Variants in LRRC75A observed in about 807,000 individuals in gnomAD.
LRRC75A encodes leucine rich repeat containing 75A.
Under a neutral mutation model 26.0 loss-of-function variants are expected in LRRC75A, and 12 were observed. The observed-to-expected ratio is 0.46, with a 90% CI of 0.30 to 0.75. The LOEUF (loss-of-function observed/expected upper bound fraction) is 0.75. Among genes scored for constraint, LRRC75A ranks in the 30% least tolerant of loss-of-function variants. The pLI, the probability that LRRC75A is intolerant of heterozygous loss-of-function variation, is 0.08. For synonymous variants in LRRC75A, 223 were observed against 219.3 expected, an observed-to-expected ratio of 1.02 and a Z score of -0.15; for missense variants, 410 against 486.6, an observed-to-expected ratio of 0.84 and a Z score of 1.48.
At chr17:16,458,092 G>A (rs2093698964) in intron 2 of LRRC75A, among the ~76,000 whole-genome samples, 1 of 152,164 alleles carries the variant, frequency 6.6e-6, no homozygotes, top group South Asian at 2.1e-4. Context: ...ATCACCTGAG[G>A]TCAGGAGTTT....
At chr17:16,447,579 T>C (rs930457996) in intron 3 of LRRC75A, among the ~76,000 whole-genome samples, 5 of 152,196 alleles carry the variant, frequency 3.3e-5, no homozygotes, top group Non-Finnish European at 5.9e-5. Context: ...ATTACAGGCA[T>C]GAGCCAAACA....
chr17:16,480,281 C>T (rs961313935), intron 1 of LRRC75A, among the ~76,000 whole-genome samples: 2 of 152,134 alleles, frequency 1.3e-5, no homozygotes, highest in Admixed American at 1.3e-4. Context: ...CCATCCCCCA[C>T]CCCGGGCCAT....
In LRRC75A at chr17:16,455,387, AT is replaced by A. The variant is rs34831794; in HGVS notation, c.375+6870del. On this transcript the variant is annotated intron_variant, in intron 2 of 3. Coordinates refer to ENST00000470794, the MANE Select transcript of LRRC75A (RefSeq NM_001113567.3). ...AAGTACCACACAGTTCTGCCCTACA[AT>A]TTTTTTTTTTAGACGGAGTCTTGCT... 2.5e-4 allele frequency among the ~76,000 whole-genome samples: 37 copies of A among 146,642 alleles called. 2 individuals are homozygous for A. Among genetic ancestry groups the A allele is most frequent in the South Asian group, 6.5e-4 (3 of 4,618 alleles).
intron 1 of LRRC75A, among the ~76,000 whole-genome samples, chr17:16,489,914 G>A (rs753610839): frequency 1.3e-5 from 2 of 149,818 alleles, no homozygotes; most frequent in African/African-American, 4.9e-5. Context: ...CGGGTACCAG[G>A]ACACCAATAA....
chr17:16,457,456 G>C (rs573406451), intron 2 of LRRC75A, among the ~76,000 whole-genome samples: 1 of 152,298 alleles, frequency 6.6e-6, no homozygotes, highest in South Asian at 2.1e-4. Context: ...AGACCAGAGG[G>C]CAGGAGGAGA....
intron 3 of LRRC75A, 28 bp from the exon 4 acceptor site, chr17:16,444,159 C>G: frequency 6.5e-7 from 1 of 1,548,544 alleles, no homozygotes; most frequent in African/African-American, 1.3e-5. Context: ...AAACAAGGCT[C>G]AGGCACATAG....
In LRRC75A at chr17:16,444,034, G is replaced by A. The variant is rs770714366; in HGVS notation, c.589C>T (p.Leu197=). The change falls in exon 4 of 4, where the codon CTA becomes TTA. Residue 197 remains leucine, a synonymous_variant. Transcript: ENST00000470794. The part of the protein sequence containing the change: ...SRDLERVTSY[L]QRCGEQVDSV... The stretch of plus-strand genomic sequence containing the variant: ...TCTACCTGCTCCCCACAGCGCTGTA[G>A]GTAGCTGGTCACCCGCTCCAGGTCT... The A allele has an allele frequency of 6.2e-7, 1 of 1,613,730 alleles. No homozygotes were observed. The highest frequency in any genetic ancestry group is 1.7e-5 in the Admixed American group (1 of 59,940).
chr17:16,490,445 G>A (rs1246594734), intron 1 of LRRC75A, among the ~76,000 whole-genome samples: 1 of 152,210 alleles, frequency 6.6e-6, no homozygotes, highest in Admixed American at 6.5e-5. Context: ...GAAGGCACAT[G>A]GGGATCCAGC....
chr17:16,485,022 G>A (rs1039364140), intron 1 of LRRC75A, among the ~76,000 whole-genome samples: 2 of 151,770 alleles, frequency 1.3e-5, no homozygotes, highest in African/African-American at 4.8e-5. Flanking sequence ...CACTGCTCAG[G>A]GCCGGGTGGG....
At chr17:16,468,455 GAC>G (rs2093785872) in intron 1 of LRRC75A, among the ~76,000 whole-genome samples, 2 of 152,222 alleles carry the variant, frequency 1.3e-5, no homozygotes, top group Admixed American at 1.3e-4. Flanking sequence ...AAATAAGCCA[GAC>G]ACAAAAGGAC....
intron 1 of LRRC75A, among the ~76,000 whole-genome samples, chr17:16,482,783 T>A (rs1353204488): frequency 6.6e-6 from 1 of 152,226 alleles, no homozygotes; most frequent in Non-Finnish European, 1.5e-5. Flanking sequence ...AATTAGCATC[T>A]TGGCCGGCCC....
rs114424405 is a variant in LRRC75A, at chr17:16,443,517, A to C, written c.*71T>G. 2.2e-6 allele frequency: 3 copies of C among 1,375,598 alleles called. No individual in the cohort carries two copies. The African/African-American group carries it at 4.4e-5, about 20-fold the overall frequency. The allele number at this position is 1,375,598 out of a possible 1,614,324, so 85.2% of individuals were successfully genotyped here. A position where few individuals can be genotyped will look rare whatever the true frequency, so the allele number is the denominator to read the frequency against. ...TATCCTTAACCCACCTGATAGGAGA[A>C]GCGCCCTCCCCTGCCTGCCTTGCCC... On this transcript the variant is annotated 3_prime_UTR_variant, in exon 4 of 4. Transcript: ENST00000470794.
chr17:16,487,318 G>A (rs1405074918), intron 1 of LRRC75A, among the ~76,000 whole-genome samples: 2 of 152,200 alleles, frequency 1.3e-5, no homozygotes, highest in African/African-American at 4.8e-5. Context: ...GGTGGAGGTG[G>A]AAGGAAAAAG....
intron 1 of LRRC75A, among the ~76,000 whole-genome samples, chr17:16,482,930 G>T (rs1390174327): frequency 6.6e-6 from 1 of 152,234 alleles, no homozygotes; most frequent in African/African-American, 2.4e-5. Context: ...AGGTCCTGAA[G>T]CTCGGCTGGG....
At chr17:16,480,487 G>A (rs945526551) in intron 1 of LRRC75A, among the ~76,000 whole-genome samples, 2 of 151,964 alleles carry the variant, frequency 1.3e-5, no homozygotes, top group African/African-American at 4.8e-5. Flanking sequence ...AAATTAGCCG[G>A]GCATGGTGGC....
chr17:16,453,176 C>G (rs538084408), intron 2 of LRRC75A, among the ~76,000 whole-genome samples: 1 of 152,186 alleles, frequency 6.6e-6, no homozygotes, highest in African/African-American at 2.4e-5. Flanking sequence ...GTAGTCCCAG[C>G]TACTTGGGAG....
intron 2 of LRRC75A, among the ~76,000 whole-genome samples, chr17:16,456,085 G>A (rs1341007896): frequency 1.4e-5 from 2 of 147,512 alleles, no homozygotes; most frequent in Non-Finnish European, 3.0e-5. Flanking sequence ...AAGAGGGAGA[G>A]GAGGAGGAGG....
chr17:16,454,879 C>G (rs1273204247), intron 2 of LRRC75A, among the ~76,000 whole-genome samples: 1 of 151,576 alleles, frequency 6.6e-6, no homozygotes, highest in Non-Finnish European at 1.5e-5. Context: ...CTGTATCAGC[C>G]TCCCAGGTAG....
intron 1 of LRRC75A, among the ~76,000 whole-genome samples, chr17:16,489,173 G>A (rs2093852460): frequency 6.6e-6 from 1 of 152,148 alleles, no homozygotes; most frequent in South Asian, 2.1e-4. Flanking sequence ...AGGAACAAAG[G>A]CTCCCGAGTC....
Sources: allele counts gnomAD v4.1 joint callset (sites outside exome capture counted in the v4.1 genomes callset), GRCh38; gene constraint gnomAD v4.1.1; transcripts MANE v1.5; gene names NCBI Gene and HGNC (gene_info 2026-07-23, HGNC 2026-07-21).